Variants in PRORP observed in about 807,000 individuals in gnomAD.
The protein encoded by PRORP is protein only RNase P catalytic subunit.
PRORP carries 51 observed loss-of-function variants against 59.4 expected under a neutral mutation model. The ratio of observed to expected loss-of-function variants is 0.86; its 90% CI spans 0.69 to 1.08. The LOEUF (loss-of-function observed/expected upper bound fraction) is 1.08, where lower values mean the gene tolerates loss of function less well. Ranked by LOEUF, PRORP falls within the 50% of genes least tolerant of loss-of-function variation. The pLI, the probability that PRORP is intolerant of heterozygous loss-of-function variation, is 0.00. For synonymous variants in PRORP, 231 were observed against 245.6 expected, an observed-to-expected ratio of 0.94 and a Z score of 0.55; for missense variants, 646 against 690.3, an observed-to-expected ratio of 0.94 and a Z score of 0.72.
At chr14:35,255,834 G>A (rs1433508773) in intron 5 of PRORP, among the ~76,000 whole-genome samples, 2 of 152,128 alleles carry the variant, frequency 1.3e-5, no homozygotes, top group Non-Finnish European at 2.9e-5. Context: ...AATAGATAAA[G>A]AGCTTATACA....
intron 5 of PRORP, chr14:35,235,057 T>C (rs899679751): frequency 2.6e-6 from 1 of 391,164 alleles, no homozygotes; most frequent in African/African-American, 2.1e-5. Context: ...TTAATTGAAA[T>C]GGCACTCTTT....
intron 5 of PRORP, among the ~76,000 whole-genome samples, chr14:35,183,919 A>G (rs1192563119): frequency 2.0e-5 from 3 of 152,158 alleles, no homozygotes; most frequent in East Asian, 3.8e-4. Flanking sequence ...TGTCTTCCTT[A>G]TCTTTCTCTT....
intron 4 of PRORP, among the ~76,000 whole-genome samples, chr14:35,152,896 C>T (rs1480605908): frequency 1.3e-5 from 2 of 151,426 alleles, no homozygotes; most frequent in Admixed American, 1.3e-4. Context: ...AGGCGCTCCT[C>T]ACTTCCCAGA....
At chr14:35,216,078 G>A (rs1357147290) in intron 5 of PRORP, among the ~76,000 whole-genome samples, 1 of 66,834 alleles carries the variant, frequency 1.5e-5, no homozygotes, top group Non-Finnish European at 3.5e-5. Context: ...TAAGACTCTA[G>A]CTTTAAATAT....
intron 5 of PRORP, among the ~76,000 whole-genome samples, chr14:35,228,406 G>A (rs1028083506): frequency 6.6e-6 from 1 of 152,134 alleles, no homozygotes; most frequent in African/African-American, 2.4e-5. Flanking sequence ...CCCTCACCCA[G>A]GTAGTGAACA....
At chr14:35,241,188 G>A (rs1385293455) in intron 5 of PRORP, among the ~76,000 whole-genome samples, 4 of 152,118 alleles carry the variant, frequency 2.6e-5, no homozygotes, top group African/African-American at 9.7e-5. Context: ...GAGCAGCCTG[G>A]CCAACATGGT....
intron 5 of PRORP, chr14:35,235,268 T>G: frequency 1.4e-6 from 1 of 696,504 alleles, no homozygotes; most frequent in Non-Finnish European, 2.6e-6. Flanking sequence ...GCCTCCCTAG[T>G]GATGGCGGAT....
intron 4 of PRORP, among the ~76,000 whole-genome samples, chr14:35,173,876 T>C (rs76083217): frequency 6.6e-6 from 1 of 152,058 alleles, no homozygotes; most frequent in South Asian, 2.1e-4. Context: ...CTGGGGGTCA[T>C]CTTGAAATCC....
At chr14:35,187,847 C>CT (rs553681091) in intron 5 of PRORP, among the ~76,000 whole-genome samples, 18,675 of 147,000 alleles carry the variant, frequency 0.13, 1,223 homozygotes, top group Middle Eastern at 0.17. Flanking sequence ...ATTTTCTTTT[C>CT]TTTTTTTTTT....
chr14:35,140,138 C>T (rs1279677549), intron 4 of PRORP, among the ~76,000 whole-genome samples: 1 of 145,606 alleles, frequency 6.9e-6, no homozygotes, highest in African/African-American at 2.4e-5. Context: ...TTTGAGGTTA[C>T]ACTATTCAAC....
intron 5 of PRORP, among the ~76,000 whole-genome samples, chr14:35,193,634 A>ATTT (rs34186766): frequency 0.039 from 5,041 of 129,820 alleles, 172 homozygotes; most frequent in African/African-American, 0.091. Flanking sequence ...TCCCGGGTGT[A>ATTT]TTTTTTTTTT....
chr14:35,222,587 G>A (rs1234749466), intron 5 of PRORP: 1 of 152,192 alleles, frequency 6.6e-6, no homozygotes, highest in African/African-American at 2.4e-5. Context: ...AGATAACTCT[G>A]TTAGTCATAG....
intron 7 of PRORP, among the ~76,000 whole-genome samples, chr14:35,271,270 T>C (rs2051182444): frequency 6.8e-6 from 1 of 146,754 alleles, no homozygotes; most frequent in African/African-American, 2.5e-5. Flanking sequence ...GCGATCCTCC[T>C]GCCTCAGCCT....
intron 4 of PRORP, among the ~76,000 whole-genome samples, chr14:35,155,644 GCTTT>G (rs1448262339): frequency 1.3e-5 from 2 of 150,772 alleles, no homozygotes; most frequent in East Asian, 3.9e-4. Flanking sequence ...ATAAAACAGT[GCTTT>G]CTTAGTGATT....
At chr14:35,231,505 T>A (rs570865775) in intron 5 of PRORP, among the ~76,000 whole-genome samples, 14 of 152,174 alleles carry the variant, frequency 9.2e-5, no homozygotes, top group Non-Finnish European at 1.6e-4. Flanking sequence ...TAATGGAAAT[T>A]ATACATGAGC....
At chr14:35,157,201 C>T (rs1244295450) in intron 4 of PRORP, among the ~76,000 whole-genome samples, 1 of 152,006 alleles carries the variant, frequency 6.6e-6, no homozygotes, top group Admixed American at 6.6e-5. Context: ...GTGATCCTCC[C>T]GCCTCGGCCT....
chr14:35,261,152 G>A lies in PRORP; in HGVS notation c.1276-5575G>A, dbSNP rs531947032. Among the ~76,000 whole-genome samples, 6 of 152,250 alleles carry A rather than the reference G, an allele frequency of 3.9e-5. No individual in the cohort carries two copies. The South Asian group carries it at 1.2e-3, about 32-fold the overall frequency. On this transcript the variant is annotated intron_variant, in intron 5 of 7. Transcript: ENST00000534898. ...TGTCTGCACACATTGGCATTTCTAG[G>A]TTGACAGCTTCTTCAGCTCCAATTC...
chr14:35,154,830 C>T (rs570057787), intron 4 of PRORP, among the ~76,000 whole-genome samples: 41 of 152,180 alleles, frequency 2.7e-4, no homozygotes, highest in Non-Finnish European at 4.3e-4. Context: ...AATCTGAACA[C>T]CAGTTATTGG....
At chr14:35,258,081 C>T (rs1163382369) in intron 5 of PRORP, among the ~76,000 whole-genome samples, 1 of 151,966 alleles carries the variant, frequency 6.6e-6, no homozygotes, top group East Asian at 1.9e-4. Flanking sequence ...CTCTTATCTC[C>T]TCCTACTGGA....
Sources: gnomAD v4.1 joint callset for allele counts (sites outside exome capture counted in the v4.1 genomes callset) on GRCh38, gnomAD v4.1.1 for gene constraint, MANE v1.5 for transcripts, NCBI Gene and HGNC (gene_info 2026-07-23, HGNC 2026-07-21) for gene names.